Variants in CHRM2 observed in about 807,000 individuals in gnomAD.
CHRM2 encodes cholinergic receptor muscarinic 2.
A neutral mutation model predicts 25.0 loss-of-function variants in CHRM2; 8 were observed. The observed-to-expected ratio is 0.32, with a 90% CI of 0.19 to 0.58. CHRM2 has a LOEUF of 0.58. CHRM2 is among the 20% of genes least tolerant of loss of function. The pLI is 0.88. For synonymous variants in CHRM2, 202 were observed against 205.7 expected, an observed-to-expected ratio of 0.98 and a Z score of 0.15; for missense variants, 440 against 567.1, an observed-to-expected ratio of 0.78 and a Z score of 2.28.
chr7:136,910,750 T>C (rs972130559), intron 2 of CHRM2, among the ~76,000 whole-genome samples: 11 of 151,766 alleles, frequency 7.2e-5, no homozygotes, highest in Admixed American at 2.6e-4. Flanking sequence ...GAGTAGTTTC[T>C]AACTCCTGAC....
chr7:136,920,516 T>G (rs1249111569), intron 2 of CHRM2, among the ~76,000 whole-genome samples: 1 of 152,126 alleles, frequency 6.6e-6, no homozygotes, highest in East Asian at 1.9e-4. Flanking sequence ...ATATTGAAAC[T>G]GCAGCTTAGA....
At chr7:136,911,022 C>A in intron 2 of CHRM2, among the ~76,000 whole-genome samples, 1 of 151,854 alleles carries the variant, frequency 6.6e-6, no homozygotes, top group East Asian at 1.9e-4. Context: ...CTAGCTATTT[C>A]TGATCTCTTC....
Position 136,921,765 on chromosome 7 carries a change from A to C in CHRM2, c.-125+52347A>C, listed in dbSNP as rs1798447551. Among the ~76,000 whole-genome samples, 5 of 127,290 alleles carry C rather than the reference A, an allele frequency of 3.9e-5. No homozygotes were observed. In the Middle Eastern group the frequency reaches 0.013, roughly 335 times the overall value. 83.5% of individuals were successfully genotyped at this position (127,290 alleles called of 152,430 possible). A position where few individuals can be genotyped will look rare whatever the true frequency, so the allele number is the denominator to read the frequency against. On this transcript the variant is annotated intron_variant, in intron 2 of 3. Coordinates refer to ENST00000680005, the MANE Select transcript of CHRM2 (RefSeq NM_001006630.2). ...GCTGTAGAAATATACCATTCATGCA[A>C]TTTTCTTTCTTTCTTTCTTTCTTTC...
chr7:136,980,244 T>C (rs1358388439), intron 2 of CHRM2, among the ~76,000 whole-genome samples: 1 of 152,206 alleles, frequency 6.6e-6, no homozygotes, highest in Non-Finnish European at 1.5e-5. Flanking sequence ...TGGCTCTCTG[T>C]TTGTCTATTA....
rs1747163848 is a variant in CHRM2, at chr7:137,016,884, C to A, written c.*618C>A. 6.0e-6 allele frequency: 1 copy of A among 167,206 alleles called. No individual in the cohort carries two copies. The highest frequency in any genetic ancestry group is 1.5e-5 in the Non-Finnish European group (1 of 68,406). 10.4% of individuals were successfully genotyped at this position (167,206 alleles called of 1,614,324 possible). On this transcript the variant is annotated 3_prime_UTR_variant, in exon 4 of 4. Coordinates refer to ENST00000680005, the MANE Select transcript of CHRM2 (RefSeq NM_001006630.2). ...TGAAGAGAAAGCAAACAAACAGAAACCCCAACTAGGTCACACCATTTTTCT... is the reference window on the plus strand; with the variant it reads ...TGAAGAGAAAGCAAACAAACAGAAAACCCAACTAGGTCACACCATTTTTCT...
chr7:136,972,432 C>G (rs1366509397), intron 2 of CHRM2, among the ~76,000 whole-genome samples: 1 of 152,076 alleles, frequency 6.6e-6, no homozygotes, highest in Non-Finnish European at 1.5e-5. Context: ...TGTCATACTT[C>G]CATTATTTAT....
At chr7:137,012,170 A>C (rs1804869083) in intron 3 of CHRM2, among the ~76,000 whole-genome samples, 1 of 152,074 alleles carries the variant, frequency 6.6e-6, no homozygotes, top group South Asian at 2.1e-4. Flanking sequence ...TGAAACAGAT[A>C]CACATATAGC....
intron 2 of CHRM2, among the ~76,000 whole-genome samples, chr7:136,986,380 T>C (rs1802856503): frequency 6.6e-6 from 1 of 152,196 alleles, no homozygotes; most frequent in Non-Finnish European, 1.5e-5. Flanking sequence ...ATCCAAGTAA[T>C]ATGCTTATAG....
At chr7:136,890,240 T>C (rs1423522231) in intron 2 of CHRM2, among the ~76,000 whole-genome samples, 3 of 152,184 alleles carry the variant, frequency 2.0e-5, no homozygotes, top group South Asian at 2.1e-4. Context: ...AACTAAAATG[T>C]AATCTAAGGA....
intron 2 of CHRM2, among the ~76,000 whole-genome samples, chr7:136,884,234 C>T (rs1796372670): frequency 6.6e-6 from 1 of 152,096 alleles, no homozygotes; most frequent in African/African-American, 2.4e-5. Flanking sequence ...AAATCTGCTT[C>T]TTTCTTTTGC....
chr7:136,896,619 C>A (rs544564152), intron 2 of CHRM2, among the ~76,000 whole-genome samples: 1 of 152,120 alleles, frequency 6.6e-6, no homozygotes, highest in East Asian at 1.9e-4. Context: ...CAGAGTGAGT[C>A]TAACTAAAAA....
intron 2 of CHRM2, among the ~76,000 whole-genome samples, chr7:136,941,597 G>A (rs1799776640): frequency 6.6e-6 from 1 of 152,168 alleles, no homozygotes; most frequent in Admixed American, 6.5e-5. Context: ...CCTGTTATTA[G>A]TGTGTTGCTG....
At chr7:136,885,529 T>A (rs6944132) in intron 2 of CHRM2, among the ~76,000 whole-genome samples, 95,541 of 152,102 alleles carry the variant, frequency 0.63, 30,481 homozygotes, top group Non-Finnish European at 0.68. Flanking sequence ...TATACCAAGA[T>A]CGTGTAAGTG....
chr7:136,986,927 A>G (rs748441404), intron 2 of CHRM2, among the ~76,000 whole-genome samples: 1 of 152,128 alleles, frequency 6.6e-6, no homozygotes, highest in Non-Finnish European at 1.5e-5. Context: ...GCATTCATTC[A>G]TTCACTTATT....
intron 2 of CHRM2, among the ~76,000 whole-genome samples, chr7:136,900,249 C>T (rs1024938243): frequency 5.9e-5 from 9 of 152,080 alleles, no homozygotes; most frequent in Non-Finnish European, 1.3e-4. Context: ...ACTGAAGATA[C>T]TAGTGAAAGG....
chr7:136,916,307 C>T (rs1346147575), intron 2 of CHRM2, among the ~76,000 whole-genome samples: 1 of 151,892 alleles, frequency 6.6e-6, no homozygotes, highest in African/African-American at 2.4e-5. Context: ...TACATTTAAT[C>T]CTCATTTTAA....
intron 3 of CHRM2, among the ~76,000 whole-genome samples, chr7:137,001,124 T>C (rs1035609): frequency 0.25 from 37,813 of 152,000 alleles, 5,848 homozygotes; most frequent in Non-Finnish European, 0.35. Flanking sequence ...GTGCCAAACA[T>C]AATGAAAACT....
intron 3 of CHRM2, among the ~76,000 whole-genome samples, chr7:137,006,259 C>G (rs767507654): frequency 6.6e-6 from 1 of 152,078 alleles, no homozygotes; most frequent in South Asian, 2.1e-4. Context: ...CAGGCCTCTT[C>G]CTTTTTGGCA....
intron 2 of CHRM2, among the ~76,000 whole-genome samples, chr7:136,878,891 T>C (rs760853332): frequency 6.6e-6 from 1 of 151,950 alleles, no homozygotes; most frequent in East Asian, 1.9e-4. Flanking sequence ...TGTCTCACTA[T>C]ATTATTTGGC....
Sources: allele counts gnomAD v4.1 joint callset (sites outside exome capture counted in the v4.1 genomes callset), GRCh38; gene constraint gnomAD v4.1.1; transcripts MANE v1.5; gene names NCBI Gene and HGNC (gene_info 2026-07-23, HGNC 2026-07-21).